Variants in CNIH3 observed in about 807,000 individuals in gnomAD.
CNIH3 encodes the protein cornichon family AMPA receptor auxiliary protein 3, also known as protein cornichon homolog 3.
A neutral mutation model predicts 24.1 loss-of-function variants in CNIH3; 14 were observed. The ratio of observed to expected loss-of-function variants is 0.58; its 90% CI spans 0.38 to 0.91. CNIH3 has a LOEUF of 0.91. Ranked by LOEUF, CNIH3 falls within the 40% of genes least tolerant of loss-of-function variation. CNIH3 has a pLI of 0.00. For missense variants in CNIH3, 178 were observed against 196.8 expected (o/e 0.90, Z 0.57); for synonymous variants, 68 against 73.8 (o/e 0.92, Z 0.40).
At chr1:224,593,392 G>T (rs1306118202), downstream of CNIH3, among the ~76,000 whole-genome samples, 1 of 152,098 alleles carries the variant, frequency 6.6e-6, no homozygotes, top group East Asian at 1.9e-4. Context: ...AGGCCAAGCT[G>T]GTCCATACCT....
intron 1 of CNIH3, 51 bp from the exon 2 acceptor site, chr1:224,680,905 TGG>T: frequency 7.5e-7 from 1 of 1,326,250 alleles, no homozygotes; most frequent in South Asian, 1.2e-5. Flanking sequence ...GCTTTGGACA[TGG>T]TGTGTTGACT....
chr1:224,720,428 G>C (rs755626917), intron 3 of CNIH3, among the ~76,000 whole-genome samples: 1 of 152,092 alleles, frequency 6.6e-6, no homozygotes, highest in South Asian at 2.1e-4. Flanking sequence ...GCCTCACCTG[G>C]GAAACGTGGC....
chr1:224,578,611 A>G (rs1558178340), intron 4 of CNIH3, among the ~76,000 whole-genome samples: 1 of 152,106 alleles, frequency 6.6e-6, no homozygotes, highest in Non-Finnish European at 1.5e-5. Context: ...CTCCCTGATA[A>G]AGGTTGCATG....
At chr1:224,716,421 A>G (rs748805632) in intron 3 of CNIH3, among the ~76,000 whole-genome samples, 1 of 152,206 alleles carries the variant, frequency 6.6e-6, no homozygotes, top group African/African-American at 2.4e-5. Context: ...CCACTACCAC[A>G]TAGGACCCAG....
chr1:224,557,493 T>G (rs567573068), intron 3 of CNIH3, among the ~76,000 whole-genome samples: 3 of 151,952 alleles, frequency 2.0e-5, no homozygotes, highest in Non-Finnish European at 4.4e-5. Flanking sequence ...TTAGACAGAG[T>G]CTCGCTCTGT....
intron 5 of CNIH3, among the ~76,000 whole-genome samples, chr1:224,736,287 G>A (rs974459125): frequency 6.6e-6 from 1 of 151,780 alleles, no homozygotes; most frequent in African/African-American, 2.4e-5. Context: ...ACCATGCTCG[G>A]CTAATTTTTG....
intron 3 of CNIH3, among the ~76,000 whole-genome samples, chr1:224,702,251 A>G (rs1687535636): frequency 6.6e-6 from 1 of 152,186 alleles, no homozygotes; most frequent in Non-Finnish European, 1.5e-5. Context: ...CATAGTACAC[A>G]CAATTTATTT....
intron 1 of CNIH3, among the ~76,000 whole-genome samples, chr1:224,660,252 C>T (rs894600135): frequency 2.0e-5 from 3 of 152,146 alleles, no homozygotes; most frequent in African/African-American, 7.2e-5. Flanking sequence ...TCACATCTTA[C>T]ATAGATGACA....
At chr1:224,603,825 G>T (rs1682305026) in intron 3 of CNIH3, among the ~76,000 whole-genome samples, 1 of 152,150 alleles carries the variant, frequency 6.6e-6, no homozygotes, top group South Asian at 2.1e-4. Context: ...ATCACTATTT[G>T]TACTCTGTAC....
chr1:224,669,104 A>G (rs1165488324), intron 1 of CNIH3, among the ~76,000 whole-genome samples: 5 of 152,186 alleles, frequency 3.3e-5, no homozygotes, highest in African/African-American at 9.6e-5. Context: ...ACCCTGACCC[A>G]GATGGCTGCT....
chr1:224,445,956 G>A (rs1267033326), intron 1 of CNIH3, among the ~76,000 whole-genome samples: 1 of 152,114 alleles, frequency 6.6e-6, no homozygotes, highest in Non-Finnish European at 1.5e-5. Flanking sequence ...ACAGTTCATT[G>A]TTTTTCCATG....
Position 224,604,830 on chromosome 1 carries a change from G to A in CNIH3, n.402+38566G>A, listed in dbSNP as rs1006221220. On this transcript the variant is annotated intron_variant and non_coding_transcript_variant, in intron 3 of 7. Coordinates refer to the CNIH3 transcript ENST00000478120. This position sits in a 1 kb window ranked among gnomAD's most constrained non-coding sequence, Gnocchi z 4.4. ...TTGGTGGTTCCTGAGCTCCTGTACT[G>A]TGCCCAGGAAGAATGAGGATACACT... Among the ~76,000 whole-genome samples the A allele has an allele frequency of 6.6e-6, 1 of 152,178 alleles. No homozygotes were observed. The highest frequency in any genetic ancestry group is 1.5e-5 in the Non-Finnish European group (1 of 68,030).
chr1:224,716,778 C>G (rs1295482812), intron 3 of CNIH3, among the ~76,000 whole-genome samples: 1 of 152,132 alleles, frequency 6.6e-6, no homozygotes, highest in Non-Finnish European at 1.5e-5. Context: ...CCCTCTCTTG[C>G]CCTCCTCTGC....
chr1:224,614,267 G>C (rs970211895), upstream of CNIH3, among the ~76,000 whole-genome samples: 2 of 152,156 alleles, frequency 1.3e-5, no homozygotes, highest in Non-Finnish European at 2.9e-5. Context: ...TATGTAGCCG[G>C]TCCTGACCCA....
intron 1 of CNIH3, among the ~76,000 whole-genome samples, chr1:224,478,897 A>G (rs1442418754): frequency 3.3e-5 from 5 of 152,204 alleles, no homozygotes; most frequent in Non-Finnish European, 7.3e-5. Flanking sequence ...GAGCTTGTGC[A>G]GAAAAACTCC....
intron 1 of CNIH3, among the ~76,000 whole-genome samples, chr1:224,624,093 T>C (rs945001670): frequency 6.6e-6 from 1 of 152,190 alleles, no homozygotes; most frequent in African/African-American, 2.4e-5. Flanking sequence ...GCTATTTGTG[T>C]ATCTTATCTC....
chr1:224,635,517 T>G (rs558027759), intron 1 of CNIH3, among the ~76,000 whole-genome samples: 11 of 152,342 alleles, frequency 7.2e-5, no homozygotes, highest in African/African-American at 2.2e-4. Context: ...AAGTGAGTCC[T>G]GCTGAGCAAC....
At chr1:224,723,530 T>G (rs1039194019) in intron 3 of CNIH3, among the ~76,000 whole-genome samples, 62 of 152,280 alleles carry the variant, frequency 4.1e-4, no homozygotes, top group African/African-American at 1.5e-3. Flanking sequence ...AGAAAGCCCC[T>G]CTGGGGCTGG....
chr1:224,665,240 T>C (rs1361005494), intron 1 of CNIH3, among the ~76,000 whole-genome samples: 1 of 152,128 alleles, frequency 6.6e-6, no homozygotes, highest in Non-Finnish European at 1.5e-5. Context: ...CGCTGGATAC[T>C]CCCAGGCTTT....
Sources: allele counts gnomAD v4.1 joint callset (sites outside exome capture counted in the v4.1 genomes callset), GRCh38; gene constraint gnomAD v4.1.1; non-coding constraint Gnocchi (gnomAD v3.1); transcripts MANE v1.5; gene names NCBI Gene and HGNC (gene_info 2026-07-23, HGNC 2026-07-21).